Variants in COL23A1 observed in about 807,000 individuals in gnomAD.
COL23A1 encodes the protein collagen type XXIII alpha 1 chain.
Under a neutral mutation model 99.3 loss-of-function variants are expected in COL23A1, and 97 were observed. That is an observed-to-expected ratio of 0.98 (90% CI 0.83 to 1.16). The LOEUF is 1.16. Ranked by LOEUF, COL23A1 falls within the 50% of genes most tolerant of loss-of-function variation. The pLI, the probability that COL23A1 is intolerant of heterozygous loss-of-function variation, is 0.00. For missense variants in COL23A1, 762 were observed against 757.4 expected, an observed-to-expected ratio of 1.01 and a Z score of -0.07; for synonymous variants, 320 against 308.2, an observed-to-expected ratio of 1.04 and a Z score of -0.40.
At chr5:178,351,405 G>T (rs745317572) in intron 2 of COL23A1, among the ~76,000 whole-genome samples, 1 of 152,180 alleles carries the variant, frequency 6.6e-6, no homozygotes, top group African/African-American at 2.4e-5. Flanking sequence ...CTGGTGCCTT[G>T]GCGAGCCTTG....
At chr5:178,363,532 G>C (rs1268940775) in intron 2 of COL23A1, among the ~76,000 whole-genome samples, 1 of 152,208 alleles carries the variant, frequency 6.6e-6, no homozygotes, top group East Asian at 1.9e-4. Flanking sequence ...CTCCCAGCCA[G>C]ACTCTGGTCC....
chr5:178,339,856 A>C (rs1760554372), intron 2 of COL23A1, among the ~76,000 whole-genome samples: 1 of 152,194 alleles, frequency 6.6e-6, no homozygotes, highest in Non-Finnish European at 1.5e-5. Flanking sequence ...AGAGAGAGGA[A>C]GCATTCCTGG....
intron 2 of COL23A1, among the ~76,000 whole-genome samples, chr5:178,450,545 G>A (rs1256480503): frequency 6.6e-6 from 1 of 152,108 alleles, no homozygotes; most frequent in Non-Finnish European, 1.5e-5. Context: ...CCTCCGAGCC[G>A]CTACACCGGT....
chr5:178,514,236 G>A (rs933587537), intron 2 of COL23A1, among the ~76,000 whole-genome samples: 9 of 152,174 alleles, frequency 5.9e-5, no homozygotes, highest in African/African-American at 2.2e-4. Flanking sequence ...ACATGTGTCA[G>A]AATCTCCTTC....
At chr5:178,550,006 G>A (rs186943205) in intron 2 of COL23A1, among the ~76,000 whole-genome samples, 2 of 152,108 alleles carry the variant, frequency 1.3e-5, no homozygotes, top group Non-Finnish European at 2.9e-5. Context: ...AGTAAAGAAA[G>A]GATCTGGTTG....
Position 178,256,384 on chromosome 5 carries a change from T to C in COL23A1, c.851A>G (p.His284Arg), listed in dbSNP as rs1490248589. The change falls in exon 15 of 29, where the codon CAC (histidine) becomes CGC (arginine). Residue 284 changes from histidine (H) to arginine (R), a missense_variant. Physicochemically the swap from His to Arg is conservative, Grantham distance 29. Transcript: ENST00000390654. Reference protein sequence around the residue: ...GAPGPKGEPGHRGTDGAAGPR... With the variant: ...GAPGPKGEPGRRGTDGAAGPR... ...CCCTGCAGCTCCATCCGTGCCTCGG[T>C]GGCCAGGCTCCCCCTGTGGAGACAT... 5 of 1,606,194 alleles carry C rather than the reference T, an allele frequency of 3.1e-6. No homozygotes were observed. The highest frequency in any genetic ancestry group is 3.4e-6 in the Non-Finnish European group (4 of 1,175,744).
intron 6 of COL23A1, 23 bp from the exon 7 acceptor site, chr5:178,268,779 G>T (rs777637010): frequency 1.3e-6 from 2 of 1,597,898 alleles, no homozygotes; most frequent in East Asian, 2.3e-5. Flanking sequence ...AGTGGAGAAA[G>T]AACAGACCTG....
chr5:178,440,613 T>C (rs1766812909), intron 2 of COL23A1, among the ~76,000 whole-genome samples: 1 of 138,260 alleles, frequency 7.2e-6, no homozygotes, highest in African/African-American at 3.3e-5. Context: ...TGTTTTCATC[T>C]TTCTTTTTTT....
intron 2 of COL23A1, among the ~76,000 whole-genome samples, chr5:178,515,658 C>T (rs565579779): frequency 3.3e-5 from 5 of 152,302 alleles, no homozygotes; most frequent in African/African-American, 4.8e-5. Flanking sequence ...CTCGGACCCC[C>T]GCTCCCCGCC....
chr5:178,541,609 T>C (rs1013891094), intron 2 of COL23A1, among the ~76,000 whole-genome samples: 1 of 152,160 alleles, frequency 6.6e-6, no homozygotes, highest in Non-Finnish European at 1.5e-5. Context: ...ACATAACATA[T>C]GTATACCTTA....
At position 178,238,255 on chromosome 5, in the gene COL23A1, A is replaced by G. The variant is rs1764215585; in HGVS notation, c.*443T>C. ...TGGTTGTGGTTGAGTTTGGAGGCTG[A>G]TGAGGCCAGGAGCAACAGCAGCCGC... is the stretch of plus-strand genomic sequence containing the variant. On this transcript the variant is annotated 3_prime_UTR_variant, in exon 29 of 29. Transcript: ENST00000390654. 1 of 157,242 alleles carries G rather than the reference A, an allele frequency of 6.4e-6. No homozygotes were observed. The highest frequency in any genetic ancestry group is 1.8e-4 in the South Asian group (1 of 5,626). 9.7% of individuals were successfully genotyped at this position (157,242 alleles called of 1,614,324 possible).
At chr5:178,501,164 G>C (rs1247725899) in intron 2 of COL23A1, among the ~76,000 whole-genome samples, 1 of 152,184 alleles carries the variant, frequency 6.6e-6, no homozygotes, top group South Asian at 2.1e-4. Flanking sequence ...AGGCCAACTA[G>C]GGACCTTGGG....
chr5:178,382,274 T>C (rs567612437), intron 2 of COL23A1, among the ~76,000 whole-genome samples: 3 of 151,672 alleles, frequency 2.0e-5, no homozygotes, highest in South Asian at 4.2e-4. Flanking sequence ...CTGGAGGGAG[T>C]GTCAGGGTGG....
intron 1 of COL23A1, among the ~76,000 whole-genome samples, chr5:178,568,292 C>T (rs1392922711): frequency 2.0e-5 from 3 of 151,506 alleles, no homozygotes; most frequent in Admixed American, 6.6e-5. Context: ...CTAGATGGAC[C>T]GTGGAATAGG....
intron 2 of COL23A1, among the ~76,000 whole-genome samples, chr5:178,447,019 T>C (rs1034063635): frequency 3.3e-5 from 5 of 152,204 alleles, no homozygotes; most frequent in East Asian, 1.9e-4. Context: ...TGTTAGGACA[T>C]AGAATTACAC....
intron 2 of COL23A1, among the ~76,000 whole-genome samples, chr5:178,445,889 A>G (rs1767132816): frequency 6.6e-6 from 1 of 152,166 alleles, no homozygotes; most frequent in South Asian, 2.1e-4. Flanking sequence ...TATATTCAAG[A>G]CAAAAGATTA....
intron 2 of COL23A1, among the ~76,000 whole-genome samples, chr5:178,375,031 C>T (rs1411607373): frequency 6.6e-6 from 1 of 152,216 alleles, no homozygotes; most frequent in Non-Finnish European, 1.5e-5. Context: ...AAATCACCGT[C>T]AGCTGATGAA....
chr5:178,350,597 C>T (rs1332519583), intron 2 of COL23A1, among the ~76,000 whole-genome samples: 7 of 152,162 alleles, frequency 4.6e-5, no homozygotes, highest in East Asian at 3.9e-4. Context: ...ATTATAACCC[C>T]GGGTTCCAAG....
At chr5:178,302,441 C>G (rs1226512733) in intron 3 of COL23A1, among the ~76,000 whole-genome samples, 15 of 101,200 alleles carry the variant, frequency 1.5e-4, no homozygotes, top group African/African-American at 6.2e-4. Context: ...CGGCTTCAAT[C>G]CACCTCTGTG....
Sources: gnomAD v4.1 joint callset for allele counts (sites outside exome capture counted in the v4.1 genomes callset) on GRCh38, gnomAD v4.1.1 for gene constraint, MANE v1.5 for transcripts, NCBI Gene and HGNC (gene_info 2026-07-23, HGNC 2026-07-21) for gene names.